RABGEF1: variants seen among roughly 807,000 people sequenced by gnomAD.
The protein encoded by RABGEF1 is rab5 GDP/GTP exchange factor.
In RABGEF1, 26 loss-of-function variants were observed where a neutral mutation model predicts 57.3. The observed-to-expected ratio is 0.45, with a 90% CI of 0.33 to 0.63. The LOEUF (loss-of-function observed/expected upper bound fraction) is 0.63. Among genes scored for constraint, RABGEF1 ranks in the 20% least tolerant of loss-of-function variants. RABGEF1 has a pLI of 0.02. For synonymous variants in RABGEF1, 185 were observed against 210.7 expected (o/e 0.88, Z 1.06); for missense variants, 464 against 607.6 (o/e 0.76, Z 2.48).
intron 1 of RABGEF1, among the ~76,000 whole-genome samples, chr7:66,752,459 A>G (rs528502580): frequency 2.5e-4 from 38 of 151,342 alleles, no homozygotes; most frequent in African/African-American, 8.5e-4. Flanking sequence ...ATGCCACTGC[A>G]CTCCAGCCTG....
rs1007642445 is a variant in RABGEF1, at chr7:66,811,131, C to T, written c.*1847C>T. The stretch of plus-strand genomic sequence containing the variant: ...CGGTCTTAATTCCTTTGGAAATACA[C>T]AGTTCGTTTAGTTACTGTACACTCT... On this transcript the variant is annotated 3_prime_UTR_variant, in exon 9 of 9. Transcript: ENST00000284957. 9.2e-5 allele frequency: 14 copies of T among 151,876 alleles called. No individual in the cohort carries two copies. The highest frequency in any genetic ancestry group is 1.9e-4 in the Non-Finnish European group (13 of 67,956). 9.4% of individuals were successfully genotyped at this position (151,876 alleles called of 1,614,324 possible).
chr7:66,728,778 C>G, intron 2 of RABGEF1, among the ~76,000 whole-genome samples: 1 of 70,358 alleles, frequency 1.4e-5, no homozygotes, highest in African/African-American at 5.3e-5. Flanking sequence ...TCACCTCCAC[C>G]CTCACCTTCA....
chr7:66,680,755 T>A (rs1789655353), upstream of RABGEF1, among the ~76,000 whole-genome samples: 1 of 152,056 alleles, frequency 6.6e-6, no homozygotes, highest in Admixed American at 6.6e-5. Flanking sequence ...TAGACTAGAC[T>A]GGCCAATATG....
chr7:66,664,326 T>C, the RABGEF1 span, among the ~76,000 whole-genome samples: 4 of 151,960 alleles, frequency 2.6e-5, no homozygotes, highest in Non-Finnish European at 4.4e-5. Context: ...ACACCTGTAA[T>C]CCCAGCACTT....
chr7:66,709,392 C>T (rs1422128302), intron 1 of RABGEF1, among the ~76,000 whole-genome samples: 1 of 152,096 alleles, frequency 6.6e-6, no homozygotes, highest in African/African-American at 2.4e-5. Context: ...TTGTAATTTT[C>T]CTACCCATTA....
At chr7:66,709,518 A>T (rs1404445330) in intron 1 of RABGEF1, among the ~76,000 whole-genome samples, 1 of 152,118 alleles carries the variant, frequency 6.6e-6, no homozygotes, top group Admixed American at 6.6e-5. Flanking sequence ...GGCTGGGCGC[A>T]GGGCTCACAC....
intron 1 of RABGEF1, among the ~76,000 whole-genome samples, chr7:66,688,085 CAAA>C (rs60925853): frequency 0.11 from 12,527 of 109,054 alleles, 618 homozygotes; most frequent in Middle Eastern, 0.22. Context: ...AACTCTGTGT[CAAA>C]AAAAAAAAAA....
rs553809192 is a variant in RABGEF1, at chr7:66,742,714, C to A, written c.-18+1922C>A. 4.6e-5 allele frequency among the ~76,000 whole-genome samples: 7 copies of A among 152,270 alleles called. No homozygotes were observed. The East Asian group carries it at 1.3e-3, about 29-fold the overall frequency. On this transcript the variant is annotated intron_variant, in intron 1 of 8. Transcript: ENST00000284957. ...CTCAACTGCCTGTGCTGAAGTGATC[C>A]TCCCACCTCAGCCTCCCGAGTAGCT...
At position 66,797,387 on chromosome 7, in the gene RABGEF1, A is replaced by T; in HGVS notation, c.609A>T (p.Arg203Ser). 6.2e-7 allele frequency: 1 copy of T among 1,609,710 alleles called. No homozygotes were observed. The highest frequency in any genetic ancestry group is 8.5e-7 in the Non-Finnish European group (1 of 1,179,232). Reference sequence around the variant, plus strand: ...TGGTTATTTCAGTGCCTCCAGAAAGAGTCGAGAAGATAATGGATCAGATTG... The same window carrying T: ...TGGTTATTTCAGTGCCTCCAGAAAGTGTCGAGAAGATAATGGATCAGATTG... ...MQTRGKVPPE[R>S]VEKIMDQIEK... is the part of the protein sequence containing the mutation. The change falls in exon 6 of 9, where the codon AGA (arginine) becomes AGT (serine). Residue 203 changes from arginine to serine, a missense_variant. This residue lies in a region of RABGEF1 where 284 missense variants were observed against 389.9 expected (regional missense o/e 0.73). Transcript: ENST00000284957.
At chr7:66,688,425 T>G (rs1217144767) in intron 1 of RABGEF1, among the ~76,000 whole-genome samples, 1 of 152,202 alleles carries the variant, frequency 6.6e-6, no homozygotes, top group African/African-American at 2.4e-5. Context: ...CTAATGGACA[T>G]TTACAGATAC....
upstream of RABGEF1, among the ~76,000 whole-genome samples, chr7:66,735,773 C>T (rs1449819719): frequency 2.6e-5 from 4 of 152,158 alleles, no homozygotes; most frequent in Non-Finnish European, 2.9e-5. Flanking sequence ...TCCAGAGGCC[C>T]CTCCAGCCAT....
At chr7:66,674,447 G>A in the RABGEF1 span, among the ~76,000 whole-genome samples, 4 of 152,018 alleles carry the variant, frequency 2.6e-5, no homozygotes, top group East Asian at 1.9e-4. Flanking sequence ...TTCGGCCTCC[G>A]AAAGAGCTGG....
At chr7:66,712,819 T>C (rs62466148) in intron 2 of RABGEF1, among the ~76,000 whole-genome samples, 5,475 of 151,198 alleles carry the variant, frequency 0.036, 153 homozygotes, top group East Asian at 0.083. Flanking sequence ...TTTCATTTCC[T>C]TTCCTTTTTT....
At chr7:66,747,590 T>G (rs1800543015) in intron 1 of RABGEF1, among the ~76,000 whole-genome samples, 1 of 152,228 alleles carries the variant, frequency 6.6e-6, no homozygotes, top group Non-Finnish European at 1.5e-5. Context: ...TTCTGTGTGC[T>G]TTGCAGTTAA....
At chr7:66,722,453 C>T (rs1796154002) in intron 2 of RABGEF1, among the ~76,000 whole-genome samples, 1 of 151,750 alleles carries the variant, frequency 6.6e-6, no homozygotes, top group African/African-American at 2.4e-5. Context: ...AACAAAAAGA[C>T]AAAAAAACCC....
At chr7:66,656,281 T>G in the RABGEF1 span, among the ~76,000 whole-genome samples, 1 of 152,088 alleles carries the variant, frequency 6.6e-6, no homozygotes, top group Non-Finnish European at 1.5e-5. Context: ...CACACCCAGC[T>G]GATTTTTAAA....
At chr7:66,672,418 C>T in the RABGEF1 span, among the ~76,000 whole-genome samples, 1 of 152,230 alleles carries the variant, frequency 6.6e-6, no homozygotes, top group Admixed American at 6.5e-5. Context: ...GGAGACAGAG[C>T]GAGACTCCAT....
intron 2 of RABGEF1, among the ~76,000 whole-genome samples, chr7:66,733,051 C>T (rs1460114945): frequency 6.6e-6 from 1 of 152,178 alleles, no homozygotes; most frequent in Non-Finnish European, 1.5e-5. Context: ...AGCTCCTTAG[C>T]CGCGTAGTCA....
intron 4 of RABGEF1, among the ~76,000 whole-genome samples, chr7:66,786,615 G>C (rs1811244284): frequency 6.6e-6 from 1 of 152,140 alleles, no homozygotes; most frequent in Admixed American, 6.5e-5. Context: ...TGTTGCCCAG[G>C]CTGGTCTTGA....
Sources: allele counts gnomAD v4.1 joint callset (sites outside exome capture counted in the v4.1 genomes callset), GRCh38; gene constraint gnomAD v4.1.1; regional missense constraint gnomAD v4.1.1; transcripts MANE v1.5; gene names NCBI Gene and HGNC (gene_info 2026-07-23, HGNC 2026-07-21).